The following FAM13A variants were observed in gnomAD, a reference collection of about 807,000 sequenced individuals.
The protein encoded by FAM13A is family with sequence similarity 13 member A.
A neutral mutation model predicts 129.6 loss-of-function variants in FAM13A; 76 were observed. That is an observed-to-expected ratio of 0.59 (90% CI 0.49 to 0.71). The LOEUF (loss-of-function observed/expected upper bound fraction) is 0.71. FAM13A is among the 30% of genes least tolerant of loss of function. FAM13A has a pLI of 0.00. For synonymous variants in FAM13A, 443 were observed against 449.9 expected (o/e 0.98, Z 0.20); for missense variants, 1,108 against 1,249.3 (o/e 0.89, Z 1.70).
chr4:89,042,393 A>G (rs188440987), intron 1 of FAM13A, among the ~76,000 whole-genome samples: 1 of 152,358 alleles, frequency 6.6e-6, no homozygotes. Context: ...TCAATTATTT[A>G]CTGAATACGT....
At position 88,804,942 on chromosome 4, in the gene FAM13A, A is replaced by G. The variant is rs17014589; in HGVS notation, c.1049+69T>C. The G allele has an allele frequency of 7.7e-3, 6,535 of 843,858 alleles. 280 individuals are homozygous for G. The African/African-American group carries it at 0.096, about 12-fold the overall frequency. The allele number at this position is 843,858 out of a possible 1,614,324, so 52.3% of individuals were successfully genotyped here. A position where few individuals can be genotyped will look rare whatever the true frequency, so the allele number is the denominator to read the frequency against. On this transcript the variant is annotated intron_variant, in intron 8 of 23. Transcript: ENST00000264344. ...TCTATTGAAAGAGATTAAAATGAGC[A>G]AATAAACCCAAAGAAGCCTTAACCC...
chr4:88,755,618 G>T (rs562673915), intron 14 of FAM13A, among the ~76,000 whole-genome samples: 1 of 152,146 alleles, frequency 6.6e-6, no homozygotes, highest in African/African-American at 2.4e-5. Flanking sequence ...AGGAGACTTT[G>T]TTACTTTGAA....
intron 4 of FAM13A, among the ~76,000 whole-genome samples, chr4:88,988,461 A>C (rs899963845): frequency 6.6e-6 from 1 of 152,244 alleles, no homozygotes; most frequent in Non-Finnish European, 1.5e-5. Flanking sequence ...TTAAGGATGC[A>C]TTATTAAGTA....
At chr4:88,972,116 AT>A (rs915109023) in intron 4 of FAM13A, among the ~76,000 whole-genome samples, 1 of 151,898 alleles carries the variant, frequency 6.6e-6, no homozygotes, top group African/African-American at 2.4e-5. Flanking sequence ...GATAAGAAAA[AT>A]ATTTTTTTTT....
intron 7 of FAM13A, among the ~76,000 whole-genome samples, chr4:88,811,054 T>C (rs1202542477): frequency 1.3e-5 from 2 of 152,134 alleles, no homozygotes; most frequent in Non-Finnish European, 2.9e-5. Context: ...TGCTGATGAA[T>C]TAAGATCTAT....
At chr4:88,933,676 A>C (rs1246217445) in intron 5 of FAM13A, among the ~76,000 whole-genome samples, 1 of 152,070 alleles carries the variant, frequency 6.6e-6, no homozygotes, top group Non-Finnish European at 1.5e-5. Flanking sequence ...TTGCTGTTGT[A>C]TATCCTAGCT....
intron 13 of FAM13A, among the ~76,000 whole-genome samples, chr4:88,766,843 C>T (rs1745787962): frequency 6.6e-6 from 1 of 152,154 alleles, no homozygotes; most frequent in Non-Finnish European, 1.5e-5. Context: ...TTAAGAAAAA[C>T]TTTAATTCTT....
At chr4:88,904,299 T>C (rs1462173134) in intron 6 of FAM13A, among the ~76,000 whole-genome samples, 1 of 152,174 alleles carries the variant, frequency 6.6e-6, no homozygotes, top group African/African-American at 2.4e-5. Context: ...ATCATTCTAT[T>C]ATAACAATAC....
intron 7 of FAM13A, among the ~76,000 whole-genome samples, chr4:88,849,284 T>C (rs1022886278): frequency 1.3e-5 from 2 of 152,146 alleles, no homozygotes; most frequent in African/African-American, 2.4e-5. Context: ...AACACTGCAA[T>C]TGCCTCCCAA....
At chr4:88,987,054 GA>G (rs1301477988) in intron 4 of FAM13A, among the ~76,000 whole-genome samples, 6 of 152,084 alleles carry the variant, frequency 3.9e-5, no homozygotes, top group Non-Finnish European at 1.5e-5. Context: ...ATCTTTAGCT[GA>G]AAAGGTAGGA....
intron 13 of FAM13A, among the ~76,000 whole-genome samples, chr4:88,762,220 G>C (rs140281136): frequency 2.2e-4 from 33 of 152,296 alleles, no homozygotes; most frequent in African/African-American, 7.2e-4. Flanking sequence ...ATCCAGCAAA[G>C]GACAGCCAGA....
intron 19 of FAM13A, among the ~76,000 whole-genome samples, chr4:88,739,786 CAA>C (rs34007551): frequency 1.2e-3 from 82 of 67,894 alleles, no homozygotes; most frequent in South Asian, 2.8e-3. Flanking sequence ...GACTCTGTCT[CAA>C]AAAAAAAAAA....
intron 5 of FAM13A, among the ~76,000 whole-genome samples, chr4:88,934,908 A>AT (rs1448935608): frequency 6.6e-6 from 1 of 152,178 alleles, no homozygotes; most frequent in Non-Finnish European, 1.5e-5. Context: ...TCTATCCAAA[A>AT]TTTCCTTCAC....
chr4:88,863,783 G>T (rs952074156), intron 6 of FAM13A, among the ~76,000 whole-genome samples: 3 of 152,040 alleles, frequency 2.0e-5, no homozygotes, highest in African/African-American at 7.2e-5. Flanking sequence ...AAAGAGTTTT[G>T]TTTATGTTTT....
intron 4 of FAM13A, among the ~76,000 whole-genome samples, chr4:88,973,120 GC>G (rs1238851620): frequency 2.8e-5 from 4 of 144,576 alleles, no homozygotes; most frequent in African/African-American, 1.0e-4. Context: ...GAAATGACAA[GC>G]CTAGGCATAA....
chr4:88,736,389 A>G (rs995125971), intron 21 of FAM13A: 1 of 152,170 alleles, frequency 6.6e-6, no homozygotes, highest in Admixed American at 6.5e-5. Context: ...GAAATTCTCA[A>G]TTGGTTTCCC....
intron 6 of FAM13A, among the ~76,000 whole-genome samples, chr4:88,864,141 G>A (rs1481995951): frequency 6.6e-6 from 1 of 152,178 alleles, no homozygotes; most frequent in Non-Finnish European, 1.5e-5. Context: ...TATTCTGAAA[G>A]AGTTTATACT....
At chr4:88,804,248 G>A (rs1393391608) in intron 8 of FAM13A, among the ~76,000 whole-genome samples, 6 of 151,722 alleles carry the variant, frequency 4.0e-5, no homozygotes, top group Non-Finnish European at 5.9e-5. Context: ...GTGAGATTCC[G>A]TCAAAAATAA....
At position 88,738,914 on chromosome 4, in the gene FAM13A, T is replaced by C. The variant is rs73841666; in HGVS notation, c.2562+116A>G. 4.8e-3 allele frequency: 3,314 copies of C among 695,780 alleles called. 74 individuals carry two copies. The African/African-American group carries it at 0.052, about 11-fold the overall frequency. The allele number at this position is 695,780 out of a possible 1,614,324, so 43.1% of individuals were successfully genotyped here. ...GTGGGCCATGGATAGTAATGGCTGA[T>C]TCAGCAATTAAAGCCTATTCTTTAA... On this transcript the variant is annotated intron_variant, in intron 20 of 23. Coordinates refer to ENST00000264344, the MANE Select transcript of FAM13A (RefSeq NM_014883.4).
Sources: gnomAD v4.1 joint callset for allele counts (sites outside exome capture counted in the v4.1 genomes callset) on GRCh38, gnomAD v4.1.1 for gene constraint, MANE v1.5 for transcripts, NCBI Gene and HGNC (gene_info 2026-07-23, HGNC 2026-07-21) for gene names.